CTNNA3: variants seen among roughly 807,000 people sequenced by gnomAD.
CTNNA3 encodes catenin alpha-3.
In CTNNA3, 76 loss-of-function variants were observed where a neutral mutation model predicts 95.7. The observed-to-expected ratio is 0.79, with a 90% confidence interval of 0.66 to 0.96. CTNNA3 has a LOEUF of 0.96. Among genes scored for constraint, CTNNA3 ranks in the 40% least tolerant of loss-of-function variants. The probability of loss-of-function intolerance (pLI) is 0.00; values close to 1 mark genes in which losing one functional copy is unlikely to be tolerated. For missense variants in CTNNA3, 1,191 were observed against 1,089.8 expected (o/e 1.09, Z -1.31); for synonymous variants, 431 against 374.4 (o/e 1.15, Z -1.74).
intron 11 of CTNNA3, among the ~76,000 whole-genome samples, chr10:66,513,022 C>T (rs1249674942): frequency 1.3e-5 from 2 of 151,990 alleles, no homozygotes; most frequent in South Asian, 2.1e-4. Context: ...AACATTTGAG[C>T]TCCCTATATC....
chr10:67,642,670 T>C (rs1426369686), intron 2 of CTNNA3, among the ~76,000 whole-genome samples: 1 of 151,638 alleles, frequency 6.6e-6, no homozygotes, highest in Non-Finnish European at 1.5e-5. Flanking sequence ...TGAGCTGAGA[T>C]CATGCCACTG....
intron 5 of CTNNA3, among the ~76,000 whole-genome samples, chr10:67,317,466 G>A (rs538859145): frequency 1.4e-5 from 2 of 140,182 alleles, no homozygotes; most frequent in Admixed American, 7.8e-5. Flanking sequence ...TCTCCCTGTC[G>A]CCAGGCTGCA....
chr10:66,471,449 TA>T (rs1245693035), intron 11 of CTNNA3, among the ~76,000 whole-genome samples: 1 of 151,902 alleles, frequency 6.6e-6, no homozygotes, highest in Non-Finnish European at 1.5e-5. Context: ...GTCTTCTTTT[TA>T]GCACAGCTAA....
In CTNNA3 at chr10:67,684,518, C is replaced by T. The variant is rs571932640; in HGVS notation, c.-6+11482G>A. Reference sequence around the variant, plus strand: ...AGCCCAGCCGGCTTCATCTCTCAATCCCCCCTCTAAACAGGACACCCCAAC... The same window carrying T: ...AGCCCAGCCGGCTTCATCTCTCAATTCCCCCTCTAAACAGGACACCCCAAC... On this transcript the variant is annotated intron_variant, in intron 1 of 17. Coordinates refer to ENST00000433211, the MANE Select transcript of CTNNA3 (RefSeq NM_013266.4). Among the ~76,000 whole-genome samples the T allele has an allele frequency of 1.1e-4, 16 of 152,306 alleles. No homozygotes were observed. The South Asian group carries it at 2.5e-3, about 24-fold the overall frequency.
At chr10:66,102,195 A>G (rs2081661662) in intron 14 of CTNNA3, among the ~76,000 whole-genome samples, 1 of 152,170 alleles carries the variant, frequency 6.6e-6, no homozygotes, top group Non-Finnish European at 1.5e-5. Flanking sequence ...TCCAAATTTT[A>G]TGTCACCGAA....
At chr10:66,452,525 T>C (rs1305537362) in intron 11 of CTNNA3, among the ~76,000 whole-genome samples, 1 of 152,120 alleles carries the variant, frequency 6.6e-6, no homozygotes, top group Non-Finnish European at 1.5e-5. Context: ...GGCCTAACTT[T>C]GGAACAAAGA....
At chr10:67,366,206 C>T (rs888658031) in intron 5 of CTNNA3, among the ~76,000 whole-genome samples, 17 of 151,852 alleles carry the variant, frequency 1.1e-4, no homozygotes, top group Admixed American at 6.6e-4. Context: ...CAGGGCCTGT[C>T]GGGGGTTGGG....
At chr10:65,953,914 C>T (rs1349308972) in intron 17 of CTNNA3, among the ~76,000 whole-genome samples, 12 of 152,278 alleles carry the variant, frequency 7.9e-5, no homozygotes, top group East Asian at 7.7e-4. Flanking sequence ...AATGGGATGG[C>T]TGGGTCAAAT....
chr10:66,978,542 A>AAAATAAAAATAAAAAAAAT lies in CTNNA3; in HGVS notation c.1047+201774_1047+201775insATTTTTTTTATTTTTATTT, dbSNP rs1554890298. ...ACTCCATCTCAAAAAAAAAAAAAAA[A>AAAATAAAAATAAAAAAAAT]AAAAAAAAAAATATATATATATATA... On this transcript the variant is annotated intron_variant, in intron 7 of 17. Coordinates refer to ENST00000433211, the MANE Select transcript of CTNNA3 (RefSeq NM_013266.4). Among the ~76,000 whole-genome samples, 6 of 68,636 alleles carry AAAATAAAAATAAAAAAAAT rather than the reference A, an allele frequency of 8.7e-5. 2 individuals carry two copies. Among genetic ancestry groups the AAAATAAAAATAAAAAAAAT allele is most frequent in the Non-Finnish European group, 1.0e-4 (3 of 29,240 alleles). The allele number at this position is 68,636 out of a possible 152,430, so 45.0% of individuals were successfully genotyped here.
At chr10:66,972,137 G>A (rs958033251) in intron 7 of CTNNA3, among the ~76,000 whole-genome samples, 2 of 151,890 alleles carry the variant, frequency 1.3e-5, no homozygotes, top group African/African-American at 4.8e-5. Flanking sequence ...ATAGAATATC[G>A]CCTTCTCAAA....
At position 67,219,711 on chromosome 10, in the gene CTNNA3, T is replaced by C; in HGVS notation, c.739A>G (p.Asn247Asp). 6.2e-7 allele frequency: 1 copy of C among 1,614,132 alleles called. No homozygotes were observed. Among genetic ancestry groups the C allele is most frequent in the Non-Finnish European group, 8.5e-7 (1 of 1,180,016 alleles). Residue 247 changes from asparagine (N) to aspartate (D), a missense_variant, in exon 6 of 18, where the codon AAT becomes GAT. Coordinates refer to ENST00000433211, the MANE Select transcript of CTNNA3 (RefSeq NM_013266.4). Reference protein sequence around the residue: ...SKDTVCEEIQNALNVISNASQ... With the variant: ...SKDTVCEEIQDALNVISNASQ... ...GCATTTGAAATTACATTGAGAGCATTCTGAATTTCTTCACAAACTGTGTCC... is the reference window on the plus strand; with the variant it reads ...GCATTTGAAATTACATTGAGAGCATCCTGAATTTCTTCACAAACTGTGTCC...
intron 7 of CTNNA3, among the ~76,000 whole-genome samples, chr10:66,889,492 A>G (rs1845176412): frequency 2.0e-5 from 3 of 152,196 alleles, no homozygotes; most frequent in African/African-American, 7.2e-5. Context: ...TGGTAAATCT[A>G]TCTTCCATTC....
At chr10:66,320,346 G>C (rs958285891) in intron 12 of CTNNA3, among the ~76,000 whole-genome samples, 3 of 151,946 alleles carry the variant, frequency 2.0e-5, no homozygotes, top group Non-Finnish European at 4.4e-5. Flanking sequence ...CCTGCCTCTA[G>C]CCAGTTGGCA....
At chr10:66,262,460 C>A (rs984364609) in intron 13 of CTNNA3, among the ~76,000 whole-genome samples, 7 of 151,834 alleles carry the variant, frequency 4.6e-5, no homozygotes, top group African/African-American at 1.2e-4. Flanking sequence ...GCTGTGTCAA[C>A]AGTAGTTGGT....
intron 7 of CTNNA3, among the ~76,000 whole-genome samples, chr10:66,948,596 G>A (rs1848388654): frequency 6.6e-6 from 1 of 152,162 alleles, no homozygotes; most frequent in African/African-American, 2.4e-5. Context: ...TTAACCATAA[G>A]ATATAGCATG....
chr10:65,939,328 G>T (rs1460340166), intron 17 of CTNNA3, among the ~76,000 whole-genome samples: 1 of 152,098 alleles, frequency 6.6e-6, no homozygotes, highest in African/African-American at 2.4e-5. Flanking sequence ...TATGCAGGTT[G>T]GACTGAATGA....
intron 5 of CTNNA3, among the ~76,000 whole-genome samples, chr10:67,434,739 T>G (rs1846240064): frequency 6.6e-6 from 1 of 151,978 alleles, no homozygotes; most frequent in African/African-American, 2.4e-5. Flanking sequence ...TAAGGAATCC[T>G]AAAAAGCACC....
At chr10:66,888,148 G>A (rs749134667) in intron 7 of CTNNA3, among the ~76,000 whole-genome samples, 1 of 152,148 alleles carries the variant, frequency 6.6e-6, no homozygotes, top group Non-Finnish European at 1.5e-5. Flanking sequence ...AGCCTGAAGT[G>A]TATAAGATGG....
intron 7 of CTNNA3, among the ~76,000 whole-genome samples, chr10:67,003,531 C>A (rs998354493): frequency 6.6e-6 from 1 of 152,204 alleles, no homozygotes; most frequent in Non-Finnish European, 1.5e-5. Flanking sequence ...TTCTCCTAAT[C>A]TATTCATATA....
Sources: gnomAD v4.1 joint callset for allele counts (sites outside exome capture counted in the v4.1 genomes callset) on GRCh38, gnomAD v4.1.1 for gene constraint, MANE v1.5 for transcripts, NCBI Gene and HGNC (gene_info 2026-07-23, HGNC 2026-07-21) for gene names.